The following CNTN2 variants were observed in gnomAD, a reference collection of about 807,000 sequenced individuals.
CNTN2 encodes the protein contactin-2.
A neutral mutation model predicts 117.5 loss-of-function variants in CNTN2; 53 were observed. That is an observed-to-expected ratio of 0.45 (90% CI 0.36 to 0.57). CNTN2 has a LOEUF of 0.57. Ranked by LOEUF, CNTN2 falls within the 20% of genes least tolerant of loss-of-function variation. CNTN2 has a pLI of 0.00. For missense variants in CNTN2, 1,106 were observed against 1,404.3 expected, an observed-to-expected ratio of 0.79 and a Z score of 3.39; for synonymous variants, 530 against 561.7, an observed-to-expected ratio of 0.94 and a Z score of 0.80.
chr1:205,061,925 G>A lies in CNTN2; in HGVS notation c.1034G>A (p.Arg345His), dbSNP rs752079019. 49 of 1,606,756 alleles carry A rather than the reference G, an allele frequency of 3.0e-5. No individual in the cohort carries two copies. The highest frequency in any genetic ancestry group is 1.7e-4 in the Middle Eastern group (1 of 6,050). Residue 345 changes from arginine to histidine, a missense_variant, in exon 9 of 23, where the codon CGT (arginine) becomes CAT (histidine). Coordinates refer to ENST00000331830, the MANE Select transcript of CNTN2 (RefSeq NM_005076.5). The surrounding 1 kb of genome is among the most constrained non-coding windows in gnomAD (Gnocchi z 4.8). ...GAGGCTGACATTGGCTCCAACCTGC[G>A]TTGGGGCTGTGCAGCCGCCGGCAAG... ...DTEADIGSNL[R>H]WGCAAAGKPR...
Position 205,064,409 on chromosome 1 carries a change from G to T in CNTN2, c.1328G>T (p.Arg443Leu). 1 of 1,612,934 alleles carries T rather than the reference G, an allele frequency of 6.2e-7. No homozygotes were observed. ...GAGATCCTTATCCCCTGCCAGCCCC[G>T]GGCAGCTCCAAAGGCCGTGGTGCTC... ...GGEILIPCQP[R>L]AAPKAVVLWS... is the part of the protein sequence containing the mutation. Residue 443 changes from arginine (R) to leucine (L), a missense_variant, in exon 11 of 23, where the codon CGG (arginine) becomes CTG (leucine). Coordinates refer to ENST00000331830, the MANE Select transcript of CNTN2 (RefSeq NM_005076.5).
chr1:205,045,557 G>A (rs957294484), intron 1 of CNTN2, among the ~76,000 whole-genome samples: 1 of 152,180 alleles, frequency 6.6e-6, no homozygotes, highest in Admixed American at 6.5e-5. Context: ...AGGATGCATG[G>A]TGCCCTCTTC....
At chr1:205,072,700 C>A in intron 21 of CNTN2, 105 bp downstream of exon 21, 1 of 825,272 alleles carries the variant, frequency 1.2e-6, no homozygotes, top group Non-Finnish European at 2.0e-6. Context: ...CTGAGTGAGA[C>A]ATAAGCAAAG....
intron 10 of CNTN2, among the ~76,000 whole-genome samples, chr1:205,063,812 G>A (rs746135715): frequency 6.6e-6 from 1 of 152,042 alleles, no homozygotes; most frequent in South Asian, 2.1e-4. Flanking sequence ...GAAGCCAGCC[G>A]CGTGAAGATC....
rs369816182 is a variant in CNTN2, at chr1:205,066,570, C to T, written c.1946C>T (p.Pro649Leu). The stretch of plus-strand genomic sequence containing the variant: ...TACACCCTGCAAGCTCGCACTCCAC[C>T]TGCAGGGAAGTGGAAGCAGGTTCGG... ...AKYTLQARTP[P>L]AGKWKQVRTN... is the part of the protein sequence containing the mutation. The change falls in exon 15 of 23, where the codon CCT becomes CTT. Residue 649 changes from proline to leucine, a missense_variant. Transcript: ENST00000331830. The T allele has an allele frequency of 6.2e-7, 1 of 1,613,988 alleles. No individual in the cohort carries two copies. Among genetic ancestry groups the T allele is most frequent in the African/African-American group, 1.3e-5 (1 of 74,946 alleles).
rs1459931538 is a variant in CNTN2, at chr1:205,064,631, T to C, written c.1400T>C (p.Val467Ala). 23 of 1,614,140 alleles carry C rather than the reference T, an allele frequency of 1.4e-5. No homozygotes were observed. The highest frequency in any genetic ancestry group is 1.9e-5 in the Non-Finnish European group (22 of 1,179,990). ...EILVNSSRVTVTPDGTLIIRN... is the reference protein window; with the variant it reads ...EILVNSSRVTATPDGTLIIRN... Reference sequence around the variant, plus strand: ...CCTTGTCCTTGCCACAGAGTGACTGTAACTCCAGATGGCACCTTGATCATA... The same window carrying C: ...CCTTGTCCTTGCCACAGAGTGACTGCAACTCCAGATGGCACCTTGATCATA... The change falls in exon 12 of 23, where the codon GTA (valine) becomes GCA (alanine). Residue 467 changes from valine (V) to alanine (A), a missense_variant. Coordinates refer to ENST00000331830, the MANE Select transcript of CNTN2 (RefSeq NM_005076.5).
In CNTN2 at chr1:205,059,704, A is replaced by AAGC. The variant is rs1211963813; in HGVS notation, c.797+25_797+27dup. On this transcript the variant is annotated intron_variant, in intron 7 of 22. Transcript: ENST00000331830. The surrounding 1 kb of genome is among the most constrained non-coding windows in gnomAD (Gnocchi z 5.6). The stretch of plus-strand genomic sequence containing the variant: ...GGAAGTGAGTGTGAAGAGGGAGGGG[A>AAGC]AGCAGAGCACGGTCTCTCGGGGGCA... 3.1e-6 allele frequency: 5 copies of AAGC among 1,606,110 alleles called. No individual in the cohort carries two copies. The highest frequency in any genetic ancestry group is 2.7e-5 in the African/African-American group (2 of 74,560).
chr1:205,045,453 A>C (rs2096439919), intron 1 of CNTN2, among the ~76,000 whole-genome samples: 1 of 151,806 alleles, frequency 6.6e-6, no homozygotes. Flanking sequence ...GACCAAACTT[A>C]CTCCTTAGGA....
rs532627383 is a variant in CNTN2 at position 205,075,936 on chromosome 1, C to G, written c.*2171C>G. ...ACCTCCTTCCAAGTTTTATCCAATT[C>G]GTTCCTCATTGCCTCGGGCTGCGTC... On this transcript the variant is annotated 3_prime_UTR_variant, in exon 23 of 23. Transcript: ENST00000331830. 1 of 152,220 alleles carries G rather than the reference C, an allele frequency of 6.6e-6. No homozygotes were observed. The highest frequency in any genetic ancestry group is 1.5e-5 in the Non-Finnish European group (1 of 68,058). The allele number at this position is 152,220 out of a possible 1,614,324, so 9.4% of individuals were successfully genotyped here. A position where few individuals can be genotyped will look rare whatever the true frequency, so the allele number is the denominator to read the frequency against.
chr1:205,076,411 T>G lies in CNTN2; in HGVS notation c.*2646T>G, dbSNP rs1324728104. 1.3e-5 allele frequency: 2 copies of G among 152,182 alleles called. No homozygotes were observed. Among genetic ancestry groups the G allele is most frequent in the African/African-American group, 4.8e-5 (2 of 41,442 alleles). The allele number at this position is 152,182 out of a possible 1,614,324, so 9.4% of individuals were successfully genotyped here. A position where few individuals can be genotyped will look rare whatever the true frequency, so the allele number is the denominator to read the frequency against. ...AGACTAGATTAGATGTTTCTCAGGATCCCCTCCTGCGCAGGGGTTCTCTGA... is the reference window on the plus strand; with the variant it reads ...AGACTAGATTAGATGTTTCTCAGGAGCCCCTCCTGCGCAGGGGTTCTCTGA... On this transcript the variant is annotated 3_prime_UTR_variant, in exon 23 of 23. Transcript: ENST00000331830.
rs374536478 is a variant in CNTN2, at chr1:205,059,342, C to T, written c.697+49C>T. The T allele has an allele frequency of 5.8e-6, 9 of 1,546,852 alleles. No homozygotes were observed. The highest frequency in any genetic ancestry group is 1.1e-5 in the South Asian group (1 of 87,702). ...GGAGGGAGGGAACTGGAAGGGTCAG[C>T]GGGCATTAGGAAAAGGGTTTTTCCT... On this transcript the variant is annotated intron_variant, in intron 6 of 22. Transcript: ENST00000331830. The surrounding 1 kb of genome is among the most constrained non-coding windows in gnomAD (Gnocchi z 5.6).
intron 16 of CNTN2, chr1:205,068,721 C>T (rs903765005): frequency 6.6e-6 from 1 of 152,156 alleles, no homozygotes; most frequent in Non-Finnish European, 1.5e-5. Context: ...ATAATAACAC[C>T]CACCTCACAG....
At chr1:205,066,288 C>A (rs1021346710) in intron 14 of CNTN2, 153 bp from the exon 15 acceptor site, 20 of 876,122 alleles carry the variant, frequency 2.3e-5, no homozygotes, top group South Asian at 5.3e-5. Flanking sequence ...ACTGCCCACA[C>A]CCCTTGCCCG....
rs1476170934 is a variant in CNTN2 at position 205,065,248 on chromosome 1, C to T, written c.1681C>T (p.Arg561Trp). 8 of 1,614,014 alleles carry T rather than the reference C, an allele frequency of 5.0e-6. No individual in the cohort carries two copies. The highest frequency in any genetic ancestry group is 1.7e-5 in the Admixed American group (1 of 60,000). The change falls in exon 13 of 23, where the codon CGG (arginine) becomes TGG (tryptophan). Residue 561 changes from arginine to tryptophan, a missense_variant. By Grantham distance (101) the Arg-to-Trp change is moderately radical (BLOSUM62 -3). Coordinates refer to ENST00000331830, the MANE Select transcript of CNTN2 (RefSeq NM_005076.5). This position sits in a 1 kb window ranked among gnomAD's most constrained non-coding sequence, Gnocchi z 4.1. ...IDFDKPGGHY[R>W]RTNVKETIGD... ...CTTTGATAAGCCTGGAGGGCACTAC[C>T]GGAGAACTAATGTGGTGAGACCTAG...
At chr1:205,064,126 A>T in intron 10 of CNTN2, among the ~76,000 whole-genome samples, 196 bp from the exon 11 acceptor site, 1 of 94,454 alleles carries the variant, frequency 1.1e-5, no homozygotes, top group Non-Finnish European at 2.5e-5. Flanking sequence ...TGAGGGGCGG[A>T]GGGGGGGCGC....
At chr1:205,057,699 A>T in intron 2 of CNTN2, 1 of 468,146 alleles carries the variant, frequency 2.1e-6, no homozygotes, top group Non-Finnish European at 3.8e-6. Context: ...TTCAAATTTA[A>T]ATTAATTAAG....
At chr1:205,060,609 G>C (rs1187029636) in intron 7 of CNTN2, 6 of 151,852 alleles carry the variant, frequency 4.0e-5, no homozygotes, top group African/African-American at 1.5e-4. Flanking sequence ...CCAGCTGCTC[G>C]GGAGGCTGAG....
chr1:205,062,584 G>T lies in CNTN2; in HGVS notation c.1240+15G>T. ...AGCCGTGCAAGGTAAGGGGCCCAGG[G>T]AGGCAGGGGACATCCCAAGGACATG... is the stretch of plus-strand genomic sequence containing the variant. On this transcript the variant is annotated intron_variant, in intron 10 of 22. Coordinates refer to ENST00000331830, the MANE Select transcript of CNTN2 (RefSeq NM_005076.5). 6.2e-7 allele frequency: 1 copy of T among 1,607,382 alleles called. No homozygotes were observed. Among genetic ancestry groups the T allele is most frequent in the Non-Finnish European group, 8.5e-7 (1 of 1,176,746 alleles).
Position 205,073,289 on chromosome 1 carries a change from A to T in CNTN2, c.3013+53A>T, listed in dbSNP as rs1225811506. The T allele has an allele frequency of 4.4e-6, 7 of 1,583,646 alleles. No homozygotes were observed. Among genetic ancestry groups the T allele is most frequent in the Non-Finnish European group, 6.0e-6 (7 of 1,158,516 alleles). ...CTCGAGAGATTCAGGATCCACCCAG[A>T]TACCTGAGAGGATCATTCCCACCCA... On this transcript the variant is annotated intron_variant, in intron 22 of 22. Coordinates refer to ENST00000331830, the MANE Select transcript of CNTN2 (RefSeq NM_005076.5). The surrounding 1 kb of genome is among the most constrained non-coding windows in gnomAD (Gnocchi z 6.3).
Sources: allele counts gnomAD v4.1 joint callset (sites outside exome capture counted in the v4.1 genomes callset), GRCh38; gene constraint gnomAD v4.1.1; non-coding constraint Gnocchi (gnomAD v3.1); transcripts MANE v1.5; gene names NCBI Gene and HGNC (gene_info 2026-07-23, HGNC 2026-07-21).